NLRP9: variants seen among roughly 807,000 people sequenced by gnomAD.
The protein encoded by NLRP9 is NACHT, LRR and PYD domains-containing protein 9.
A neutral mutation model predicts 83.1 loss-of-function variants in NLRP9; 88 were observed. The observed-to-expected ratio is 1.06, with a 90% CI of 0.89 to 1.26. The LOEUF is 1.26. NLRP9 is among the 50% of genes most tolerant of loss of function. The probability of loss-of-function intolerance (pLI) is 0.00; values close to 1 mark genes in which losing one functional copy is unlikely to be tolerated. For missense variants in NLRP9, 1,308 were observed against 1,179.3 expected (o/e 1.11, Z -1.60); for synonymous variants, 521 against 447.6 (o/e 1.16, Z -2.07).
chr19:55,712,383 A>C (rs1305529778), intron 7 of NLRP9, 37 bp downstream of exon 7: 7 of 1,562,482 alleles, frequency 4.5e-6, no homozygotes, highest in Non-Finnish European at 5.3e-6. Context: ...CTTGAAATAG[A>C]TAAATTTTCC....
chr19:55,709,131 TCC>T, intron 8 of NLRP9, 87 bp from the exon 9 acceptor site: 1 of 866,714 alleles, frequency 1.2e-6, no homozygotes, highest in South Asian at 2.1e-5. Flanking sequence ...ACCTCTCCTC[TCC>T]TCTTTATTCT....
intron 4 of NLRP9, among the ~76,000 whole-genome samples, chr19:55,723,727 C>CAAAAAAAAAAAAAAAAA (rs10711721): frequency 1.3e-5 from 1 of 79,828 alleles, no homozygotes; most frequent in African/African-American, 4.3e-5. Context: ...GACCCTGTCT[C>CAAAAAAAAAAAAAAAAA]AAAAAAAAAA....
rs765794054 is a variant in NLRP9, at chr19:55,732,724, T to G, written c.1107A>C (p.Ala369=). The G allele has an allele frequency of 6.2e-7, 1 of 1,614,022 alleles. No individual in the cohort carries two copies. The highest frequency in any genetic ancestry group is 8.5e-7 in the Non-Finnish European group (1 of 1,180,006). ...INSQNTTYLY[A]SFLTTVFKAG... ...CTTTGAATACAGTTGTTAAAAAGGA[T>G]GCATATAAATAGGTGGTGTTTTGGG... Residue 369 remains alanine, a synonymous_variant, in exon 2 of 9, where the codon GCA becomes GCC. Coordinates refer to ENST00000332836, the MANE Select transcript of NLRP9 (RefSeq NM_176820.4).
chr19:55,734,781 C>T (rs1200447165), intron 1 of NLRP9, among the ~76,000 whole-genome samples: 1 of 151,698 alleles, frequency 6.6e-6, no homozygotes, highest in East Asian at 1.9e-4. Context: ...ATTACAGGCA[C>T]CTGCCACCAC....
intron 1 of NLRP9, among the ~76,000 whole-genome samples, chr19:55,736,603 G>A (rs1988791531): frequency 6.6e-6 from 1 of 151,956 alleles, no homozygotes; most frequent in Non-Finnish European, 1.5e-5. Flanking sequence ...GGAAGCCCAG[G>A]CAGGAGGATC....
rs766540802 is a variant in NLRP9 at position 55,708,872 on chromosome 19, G to A, written c.*40C>T. ...CAGGTGAAGGTCCCACTGTGGCCAA[G>A]GAAAGCCTTTGTGAGACGACTACTT... On this transcript the variant is annotated 3_prime_UTR_variant, in exon 9 of 9. Coordinates refer to ENST00000332836, the MANE Select transcript of NLRP9 (RefSeq NM_176820.4). 1 of 1,472,252 alleles carries A rather than the reference G, an allele frequency of 6.8e-7. No individual in the cohort carries two copies. The highest frequency in any genetic ancestry group is 9.0e-7 in the Non-Finnish European group (1 of 1,109,048). The allele number at this position is 1,472,252 out of a possible 1,614,324, so 91.2% of individuals were successfully genotyped here.
intron 1 of NLRP9, among the ~76,000 whole-genome samples, chr19:55,734,620 CAT>C (rs763996023): frequency 0.034 from 2,994 of 87,528 alleles, 46 homozygotes; most frequent in South Asian, 0.07. Context: ...CACACACACA[CAT>C]ATATATATAT....
rs779210367 is a variant in NLRP9 at position 55,711,869 on chromosome 19, A to G, written c.2774T>C (p.Leu925Ser). ...CAGCACCACCACTGCATCAGCATCCAAGGCAATCCAGTCGAGGTTCAGGCT... is the reference window on the plus strand; with the variant it reads ...CAGCACCACCACTGCATCAGCATCCGAGGCAATCCAGTCGAGGTTCAGGCT... ...LRSLNLDWIA[L>S]DADAVVVLCE... The change falls in exon 8 of 9, where the codon TTG becomes TCG. Residue 925 changes from leucine (L) to serine (S), a missense_variant. Physicochemically the swap from Leu to Ser is moderately radical, Grantham distance 145. Transcript: ENST00000332836. The G allele has an allele frequency of 4.3e-6, 7 of 1,613,368 alleles. No individual in the cohort carries two copies. Among genetic ancestry groups the G allele is most frequent in the Non-Finnish European group, 5.1e-6 (6 of 1,179,950 alleles).
At chr19:55,737,926 G>A (rs777359538) in intron 1 of NLRP9, among the ~76,000 whole-genome samples, 169 bp downstream of exon 1, 21 of 151,850 alleles carry the variant, frequency 1.4e-4, no homozygotes, top group African/African-American at 2.9e-4. Context: ...CCAGTTCATC[G>A]CTGGCCCACA....
intron 8 of NLRP9, chr19:55,711,417 G>C: frequency 7.7e-7 from 1 of 1,293,776 alleles, no homozygotes; most frequent in Non-Finnish European, 1.0e-6. Context: ...CAAGACCTTA[G>C]CCCATTCCAG....
intron 8 of NLRP9, 141 bp downstream of exon 8, chr19:55,711,659 G>C (rs1274536558): frequency 1.1e-6 from 1 of 894,364 alleles, no homozygotes; most frequent in Non-Finnish European, 1.8e-6. Flanking sequence ...ATATTTTATA[G>C]TGTCAACAGG....
rs1009065763 is a variant in NLRP9 at position 55,711,499 on chromosome 19, G to C, written c.2843+301C>G. The C allele has an allele frequency of 3.7e-6, 5 of 1,356,940 alleles. No individual in the cohort carries two copies. In the African/African-American group the frequency reaches 5.8e-5, roughly 16 times the overall value. The allele number at this position is 1,356,940 out of a possible 1,614,324, so 84.1% of individuals were successfully genotyped here. On this transcript the variant is annotated intron_variant, in intron 8 of 8. Coordinates refer to ENST00000332836, the MANE Select transcript of NLRP9 (RefSeq NM_176820.4). ...TAAGTAGAAGATGTTTTATAGAGCA[G>C]TGGTTCTCACCTGGTGCAACTGTGT...
At chr19:55,725,275 C>G (rs1482631465) in intron 3 of NLRP9, among the ~76,000 whole-genome samples, 4 of 151,918 alleles carry the variant, frequency 2.6e-5, no homozygotes, top group Non-Finnish European at 5.9e-5. Context: ...TATGTATAAA[C>G]CATATATAAT....
intron 4 of NLRP9, among the ~76,000 whole-genome samples, chr19:55,723,064 A>G (rs977644407): frequency 3.3e-5 from 5 of 152,120 alleles, no homozygotes; most frequent in East Asian, 1.9e-4. Flanking sequence ...GTTGATGGGT[A>G]CAGCAAACCA....
Position 55,716,731 on chromosome 19 carries a change from A to T in NLRP9, c.2327T>A (p.Leu776Gln). ...TGCTTCCCGCAGACCAACTTACATC[A>T]GCCTCTCCAGGGCACAGTGTGAGTG... ...LKHSHCALER[L>Q]MLMYCCLTSV... The change falls in exon 5 of 9, where the codon CTG becomes CAG. Residue 776 changes from leucine (L) to glutamine (Q), a missense_variant. Coordinates refer to ENST00000332836, the MANE Select transcript of NLRP9 (RefSeq NM_176820.4). 6.2e-7 allele frequency: 1 copy of T among 1,613,116 alleles called. No individual in the cohort carries two copies. Among genetic ancestry groups the T allele is most frequent in the Non-Finnish European group, 8.5e-7 (1 of 1,179,282 alleles).
In NLRP9 at chr19:55,732,119, T is replaced by G. The variant is rs1222247496; in HGVS notation, c.1712A>C (p.Tyr571Ser). The change falls in exon 2 of 9, where the codon TAT becomes TCT. Residue 571 changes from tyrosine (Y) to serine (S), a missense_variant. Transcript: ENST00000332836. ...TACCAAATGTTCTATGTTACCAATA[T>G]AAATGAAAACTTCTTCAAAGAAATT... is the stretch of plus-strand genomic sequence containing the variant. ...VMNFFEEVFI[Y>S]IGNIEHLVIA... 1 of 1,612,802 alleles carries G rather than the reference T, an allele frequency of 6.2e-7. No individual in the cohort carries two copies. Among genetic ancestry groups the G allele is most frequent in the Admixed American group, 1.7e-5 (1 of 59,758 alleles).
intron 7 of NLRP9, 111 bp downstream of exon 7, chr19:55,712,309 C>T (rs1339609438): frequency 1.1e-6 from 1 of 907,686 alleles, no homozygotes; most frequent in South Asian, 1.6e-5. Flanking sequence ...TCAGATCGTC[C>T]CAGAGGGACT....
Position 55,711,781 on chromosome 19 carries a change from G to A in NLRP9, c.2843+19C>T. Reference sequence around the variant, plus strand: ...TCGTTCTGAAGTCACTCACCCCAAAGGAAACAGTGTCCACTCACCCCAGCA... The same window carrying A: ...TCGTTCTGAAGTCACTCACCCCAAAAGAAACAGTGTCCACTCACCCCAGCA... On this transcript the variant is annotated intron_variant, in intron 8 of 8. Transcript: ENST00000332836. The A allele has an allele frequency of 1.2e-6, 2 of 1,610,748 alleles. No individual in the cohort carries two copies. Among genetic ancestry groups the A allele is most frequent in the Non-Finnish European group, 1.7e-6 (2 of 1,178,060 alleles).
chr19:55,711,519 C>A, intron 8 of NLRP9: 1 of 1,324,528 alleles, frequency 7.5e-7, no homozygotes, highest in Non-Finnish European at 1.0e-6. Context: ...CCTGGTGCAA[C>A]TGTGTCTCCG....
Sources: gnomAD v4.1 joint callset for allele counts (sites outside exome capture counted in the v4.1 genomes callset) on GRCh38, gnomAD v4.1.1 for gene constraint, MANE v1.5 for transcripts, NCBI Gene and HGNC (gene_info 2026-07-23, HGNC 2026-07-21) for gene names.